Variants in MAML2 observed in about 807,000 individuals in gnomAD.
The protein encoded by MAML2 is mastermind-like protein 2.
A neutral mutation model predicts 96.1 loss-of-function variants in MAML2; 22 were observed. The observed-to-expected ratio is 0.23, with a 90% CI of 0.16 to 0.33. The LOEUF (loss-of-function observed/expected upper bound fraction) is 0.33. MAML2 is among the 10% of genes least tolerant of loss of function. MAML2 has a pLI of 1.00. For synonymous variants in MAML2, 561 were observed against 521.3 expected (o/e 1.08, Z -1.04); for missense variants, 1,367 against 1,392.4 (o/e 0.98, Z 0.29).
chr11:95,996,699 C>T (rs1212740831), intron 2 of MAML2, among the ~76,000 whole-genome samples: 1 of 152,078 alleles, frequency 6.6e-6, no homozygotes, highest in Non-Finnish European at 1.5e-5. Context: ...TGCTGTAAAA[C>T]ACAAAACACC....
At chr11:96,007,876 T>C (rs1340765305) in intron 2 of MAML2, among the ~76,000 whole-genome samples, 1 of 31,020 alleles carries the variant, frequency 3.2e-5, no homozygotes, top group African/African-American at 1.4e-4. Context: ...GGGACTGTGG[T>C]GGGGTGGGGG....
chr11:96,105,730 A>G (rs1345699219), intron 1 of MAML2, among the ~76,000 whole-genome samples: 1 of 152,178 alleles, frequency 6.6e-6, no homozygotes, highest in Non-Finnish European at 1.5e-5. Flanking sequence ...ACTATGAACC[A>G]TTTAGACAGA....
intron 1 of MAML2, among the ~76,000 whole-genome samples, chr11:96,160,962 C>A (rs1261389654): frequency 6.6e-6 from 1 of 152,256 alleles, no homozygotes; most frequent in Non-Finnish European, 1.5e-5. Flanking sequence ...TCCTATTAAT[C>A]ACTCTGCAGG....
chr11:96,300,895 G>A (rs932423371), intron 1 of MAML2, among the ~76,000 whole-genome samples: 7 of 152,136 alleles, frequency 4.6e-5, no homozygotes, highest in Non-Finnish European at 7.3e-5. Context: ...TATTGACTCC[G>A]GAATCTTGGT....
intron 2 of MAML2, among the ~76,000 whole-genome samples, chr11:96,086,202 G>C (rs1208411613): frequency 6.6e-6 from 1 of 152,120 alleles, no homozygotes; most frequent in Non-Finnish European, 1.5e-5. Context: ...AGTATGAAGG[G>C]GGTCATTTAA....
intron 1 of MAML2, among the ~76,000 whole-genome samples, chr11:96,331,799 AAG>A (rs2136018051): frequency 6.6e-6 from 1 of 150,470 alleles, no homozygotes; most frequent in African/African-American, 2.5e-5. Context: ...GCGTGGGCGA[AAG>A]AGTGAGACTC....
At chr11:96,084,404 C>A (rs150383048) in intron 2 of MAML2, among the ~76,000 whole-genome samples, 32 of 152,100 alleles carry the variant, frequency 2.1e-4, no homozygotes, top group African/African-American at 7.2e-4. Context: ...GCATGAGAGG[C>A]AAGCAGGAAC....
intron 1 of MAML2, among the ~76,000 whole-genome samples, chr11:96,159,413 T>TTTTTTTTTG (rs1861067397): frequency 8.5e-6 from 1 of 117,508 alleles, no homozygotes; most frequent in Non-Finnish European, 1.8e-5. Context: ...GATTCTTTTT[T>TTTTTTTTTG]TTTTTTTTTT....
rs533564415 is a variant in MAML2, at chr11:96,266,186, G to A, written c.513+75197C>T. ...TGAAGAAACGAGCCACTTCCCCATC[G>A]TACACCCTGCGAGGGGGACAAAGGA... On this transcript the variant is annotated intron_variant, in intron 1 of 4. Coordinates refer to ENST00000524717, the MANE Select transcript of MAML2 (RefSeq NM_032427.4). Among the ~76,000 whole-genome samples, 13 of 152,142 alleles carry A rather than the reference G, an allele frequency of 8.5e-5. No homozygotes were observed. In the East Asian group the frequency reaches 1.2e-3, roughly 14 times the overall value.
chr11:96,155,550 A>ATATATATATATG (rs1860999536), intron 1 of MAML2, among the ~76,000 whole-genome samples: 1 of 128,322 alleles, frequency 7.8e-6, no homozygotes, highest in Non-Finnish European at 1.6e-5. Context: ...ATATATATAT[A>ATATATATATATG]TGAGGAAAGT....
At chr11:96,101,318 T>G (rs2135821760) in intron 1 of MAML2, among the ~76,000 whole-genome samples, 1 of 152,352 alleles carries the variant, frequency 6.6e-6, no homozygotes, top group African/African-American at 2.4e-5. Context: ...CATTTCATGA[T>G]AGCATTTTGT....
In MAML2 at chr11:96,093,240, T is replaced by C; in HGVS notation, c.791A>G (p.Glu264Gly). The C allele has an allele frequency of 6.2e-7, 1 of 1,614,020 alleles. No individual in the cohort carries two copies. The highest frequency in any genetic ancestry group is 2.2e-5 in the East Asian group (1 of 44,882). Residue 264 changes from glutamate (E) to glycine (G), a missense_variant, in exon 2 of 5, where the codon GAG becomes GGG. Transcript: ENST00000524717. ...AGTCTCTCCTGGCTCCTTCTTTACC[T>C]CCTTTAAGCCCATGTTAAACAGGCC... is the stretch of plus-strand genomic sequence containing the variant. ...GNGLFNMGLK[E>G]VKKEPGETLS...
intron 1 of MAML2, among the ~76,000 whole-genome samples, chr11:96,281,965 G>A (rs1240175496): frequency 6.6e-6 from 1 of 152,024 alleles, no homozygotes; most frequent in East Asian, 1.9e-4. Context: ...AATAATGACT[G>A]TAGGCCAGGC....
chr11:96,012,797 T>C (rs1858286313), intron 2 of MAML2, among the ~76,000 whole-genome samples: 1 of 152,228 alleles, frequency 6.6e-6, no homozygotes. Context: ...TAAAAATAGC[T>C]TCTGTGTTGT....
At chr11:96,046,572 A>T (rs1858904695) in intron 2 of MAML2, among the ~76,000 whole-genome samples, 1 of 152,204 alleles carries the variant, frequency 6.6e-6, no homozygotes, top group South Asian at 2.1e-4. Flanking sequence ...GGACATTCTG[A>T]ATACACAGGA....
chr11:96,196,149 GTTAA>G (rs1378404084), intron 1 of MAML2, among the ~76,000 whole-genome samples: 2 of 152,126 alleles, frequency 1.3e-5, no homozygotes, highest in Admixed American at 6.5e-5. Context: ...AGTGACTATT[GTTAA>G]TTAATGTTTT....
intron 2 of MAML2, among the ~76,000 whole-genome samples, chr11:96,089,296 C>T (rs569742907): frequency 5.9e-5 from 9 of 152,220 alleles, no homozygotes; most frequent in Admixed American, 2.0e-4. Context: ...TCAGAAGAAC[C>T]TTAGAAGTAT....
intron 1 of MAML2, among the ~76,000 whole-genome samples, chr11:96,258,155 T>C (rs919785218): frequency 3.3e-5 from 5 of 152,182 alleles, no homozygotes; most frequent in African/African-American, 1.2e-4. Context: ...ACAACAACCA[T>C]GGAGGATGAA....
At chr11:96,046,765 G>A (rs544304194) in intron 2 of MAML2, among the ~76,000 whole-genome samples, 11 of 152,116 alleles carry the variant, frequency 7.2e-5, no homozygotes, top group South Asian at 6.2e-4. Flanking sequence ...TATCTTCTAA[G>A]TGTCAGAGTC....
Sources: allele counts gnomAD v4.1 joint callset (sites outside exome capture counted in the v4.1 genomes callset), GRCh38; gene constraint gnomAD v4.1.1; transcripts MANE v1.5; gene names NCBI Gene and HGNC (gene_info 2026-07-23, HGNC 2026-07-21).